Variants in ZCCHC4 observed in about 807,000 individuals in gnomAD.
The protein encoded by ZCCHC4 is rRNA N(6)-adenosine-methyltransferase ZCCHC4.
ZCCHC4 carries 54 observed loss-of-function variants against 67.7 expected under a neutral mutation model. The ratio of observed to expected loss-of-function variants is 0.80; its 90% CI spans 0.64 to 1.00. The LOEUF is 1.00. Among genes scored for constraint, ZCCHC4 ranks in the 50% least tolerant of loss-of-function variants. ZCCHC4 has a pLI of 0.00. For synonymous variants in ZCCHC4, 198 were observed against 213.5 expected, an observed-to-expected ratio of 0.93 and a Z score of 0.63; for missense variants, 609 against 617.0, an observed-to-expected ratio of 0.99 and a Z score of 0.14.
rs533506481 is a variant in ZCCHC4, at chr4:25,340,623, ACATGAGATGTCCTTC to A, written c.687-4921_687-4907del. Reference sequence around the variant, plus strand: ...TAATATTAAGTTGTCCAGTCCATGAACATGAGATGTCCTTCCATTTCTTTAGATCTTCAATTTCTT... The same window carrying A: ...TAATATTAAGTTGTCCAGTCCATGAACATTTCTTTAGATCTTCAATTTCTT... On this transcript the variant is annotated intron_variant, in intron 5 of 12. Transcript: ENST00000302874. 1.3e-3 allele frequency among the ~76,000 whole-genome samples: 191 copies of A among 152,320 alleles called. 1 individual carries two copies. Among genetic ancestry groups the A allele is most frequent in the African/African-American group, 4.4e-3 (185 of 41,586 alleles).
intron 3 of ZCCHC4, among the ~76,000 whole-genome samples, chr4:25,324,717 GTTA>G (rs1718771380): frequency 1.3e-5 from 2 of 152,260 alleles, no homozygotes; most frequent in South Asian, 4.1e-4. Context: ...TACAACACTT[GTTA>G]TTATCTGTCC....
chr4:25,323,206 A>G (rs1718676952), intron 3 of ZCCHC4, among the ~76,000 whole-genome samples: 2 of 152,180 alleles, frequency 1.3e-5, no homozygotes. Flanking sequence ...GTCATTGTTT[A>G]TGCATTCATT....
intron 12 of ZCCHC4, among the ~76,000 whole-genome samples, chr4:25,368,778 C>A (rs183753410): frequency 6.6e-6 from 1 of 152,224 alleles, no homozygotes; most frequent in East Asian, 1.9e-4. Flanking sequence ...GTGTTTGCCC[C>A]GGACAGCTTG....
chr4:25,350,575 A>G (rs1453375648), intron 7 of ZCCHC4, among the ~76,000 whole-genome samples: 1 of 152,142 alleles, frequency 6.6e-6, no homozygotes, highest in African/African-American at 2.4e-5. Context: ...AGTATTTTAT[A>G]TAATTATCTA....
Position 25,324,036 on chromosome 4 carries a change from A to G in ZCCHC4, c.329+8636A>G, listed in dbSNP as rs1389425319. On this transcript the variant is annotated intron_variant, in intron 3 of 12. Transcript: ENST00000302874. The stretch of plus-strand genomic sequence containing the variant: ...TGTGTTTTTTTTTTTTTTTTGAGAC[A>G]GAGTCTCGCTCTGCTGCCAGGCTGG... 5.7e-4 allele frequency among the ~76,000 whole-genome samples: 4 copies of G among 7,066 alleles called. No individual in the cohort carries two copies. In the African/African-American group the frequency reaches 6.3e-3, roughly 11 times the overall value. The allele number at this position is 7,066 out of a possible 152,430, so 4.6% of individuals were successfully genotyped here.
At chr4:25,363,465 A>G (rs901985685) in intron 10 of ZCCHC4, among the ~76,000 whole-genome samples, 1 of 152,172 alleles carries the variant, frequency 6.6e-6, no homozygotes, top group African/African-American at 2.4e-5. Flanking sequence ...AAATCACCAA[A>G]TTTTTTAGGA....
chr4:25,316,476 A>G (rs1227568486), intron 3 of ZCCHC4, among the ~76,000 whole-genome samples: 3 of 152,198 alleles, frequency 2.0e-5, no homozygotes, highest in Non-Finnish European at 2.9e-5. Context: ...CCTTGCCAAC[A>G]CCTATTATTT....
intron 2 of ZCCHC4, among the ~76,000 whole-genome samples, chr4:25,314,702 G>T (rs553245335): frequency 6.6e-6 from 1 of 152,114 alleles, no homozygotes; most frequent in Non-Finnish European, 1.5e-5. Flanking sequence ...TCTCAAAGGC[G>T]CCTCATTTAA....
At chr4:25,325,962 T>A (rs1264799228) in intron 3 of ZCCHC4, among the ~76,000 whole-genome samples, 1 of 152,202 alleles carries the variant, frequency 6.6e-6, no homozygotes, top group African/African-American at 2.4e-5. Flanking sequence ...GTTGATAATA[T>A]TATCCTTTCC....
chr4:25,363,957 G>T (rs1720851138), intron 10 of ZCCHC4, among the ~76,000 whole-genome samples: 1 of 152,056 alleles, frequency 6.6e-6, no homozygotes, highest in African/African-American at 2.4e-5. Flanking sequence ...ATCCGTGTTT[G>T]CTTTACAATA....
chr4:25,313,984 A>C, intron 1 of ZCCHC4, 62 bp from the exon 2 acceptor site: 1 of 1,076,466 alleles, frequency 9.3e-7, no homozygotes, highest in South Asian at 1.5e-5. Flanking sequence ...GCGAAAACTA[A>C]GAACTTGACG....
chr4:25,314,064 T>C lies in ZCCHC4; in HGVS notation c.146T>C (p.Val49Ala), dbSNP rs750519556. ...LCPHGPTLLF[V>A]KVTQGKEETR... ...GAACTAGGACCCACTCTTCTGTTTG[T>C]AAAGGTGACCCAAGGGAAAGAAGAA... The change falls in exon 2 of 13, where the codon GTA becomes GCA. Residue 49 changes from valine to alanine, a missense_variant. Coordinates refer to ENST00000302874, the MANE Select transcript of ZCCHC4 (RefSeq NM_024936.3). The C allele has an allele frequency of 8.1e-6, 13 of 1,607,592 alleles. No homozygotes were observed. In the South Asian group the frequency reaches 1.4e-4, roughly 18 times the overall value.
At chr4:25,323,146 G>T (rs1264909575) in intron 3 of ZCCHC4, among the ~76,000 whole-genome samples, 1 of 152,200 alleles carries the variant, frequency 6.6e-6, no homozygotes, top group African/African-American at 2.4e-5. Context: ...AATGATTTTA[G>T]CTGTAACTGA....
At chr4:25,337,371 G>T (rs957793702) in intron 5 of ZCCHC4, among the ~76,000 whole-genome samples, 3 of 152,174 alleles carry the variant, frequency 2.0e-5, no homozygotes, top group Admixed American at 6.5e-5. Context: ...ATTTCATTCT[G>T]CAGACAGCTT....
At chr4:25,352,171 G>A in intron 8 of ZCCHC4, 4 of 985,706 alleles carry the variant, frequency 4.1e-6, no homozygotes, top group Non-Finnish European at 4.8e-6. Context: ...AGAAGGCAGA[G>A]ATGGCTCTGT....
intron 12 of ZCCHC4, among the ~76,000 whole-genome samples, chr4:25,366,607 C>T (rs749044019): frequency 1.3e-5 from 2 of 152,142 alleles, no homozygotes; most frequent in Non-Finnish European, 2.9e-5. Context: ...TGAGCCACCA[C>T]GCCCAGCCTG....
At chr4:25,330,881 A>G (rs1334250812) in intron 3 of ZCCHC4, among the ~76,000 whole-genome samples, 1 of 152,030 alleles carries the variant, frequency 6.6e-6, no homozygotes, top group Non-Finnish European at 1.5e-5. Flanking sequence ...GAGTTTCTGC[A>G]TGTGCACATG....
In ZCCHC4 at chr4:25,369,173, T is replaced by C; in HGVS notation, c.*9T>C. 1.2e-6 allele frequency: 2 copies of C among 1,607,556 alleles called. No individual in the cohort carries two copies. Among genetic ancestry groups the C allele is most frequent in the South Asian group, 2.2e-5 (2 of 89,030 alleles). On this transcript the variant is annotated 3_prime_UTR_variant, in exon 13 of 13. Transcript: ENST00000302874. ...AATATCTTGGCTCTTAAATGTCCAG[T>C]GACTGGAGAATAAGAAAGATTTATG... is the stretch of plus-strand genomic sequence containing the variant.
At chr4:25,328,302 C>A (rs910558424) in intron 3 of ZCCHC4, among the ~76,000 whole-genome samples, 11 of 151,972 alleles carry the variant, frequency 7.2e-5, no homozygotes, top group African/African-American at 2.4e-4. Context: ...TGCAGTGGCA[C>A]GATCTCTGCT....
Sources: allele counts gnomAD v4.1 joint callset (sites outside exome capture counted in the v4.1 genomes callset), GRCh38; gene constraint gnomAD v4.1.1; transcripts MANE v1.5; gene names NCBI Gene and HGNC (gene_info 2026-07-23, HGNC 2026-07-21).